The following WDPCP variants were observed in gnomAD, a reference collection of about 807,000 sequenced individuals.
The protein encoded by WDPCP is WD repeat-containing and planar cell polarity effector protein fritz homolog.
A neutral mutation model predicts 93.1 loss-of-function variants in WDPCP; 71 were observed. That is an observed-to-expected ratio of 0.76 (90% CI 0.63 to 0.93). The LOEUF (loss-of-function observed/expected upper bound fraction) is 0.93, where lower values mean the gene tolerates loss of function less well. Among genes scored for constraint, WDPCP ranks in the 40% least tolerant of loss-of-function variants. WDPCP has a pLI of 0.00. For synonymous variants in WDPCP, 315 were observed against 315.0 expected, an observed-to-expected ratio of 1.00 and a Z score of 0.00; for missense variants, 844 against 887.4, an observed-to-expected ratio of 0.95 and a Z score of 0.62.
At chr2:63,622,823 C>T (rs1709761460) in intron 3 of WDPCP, 1 of 1,610,082 alleles carries the variant, frequency 6.2e-7, no homozygotes, top group Non-Finnish European at 8.5e-7. Context: ...CCAGGAAATA[C>T]TTAACCATCG....
chr2:63,278,828 C>T (rs1286830578), intron 13 of WDPCP, among the ~76,000 whole-genome samples: 1 of 152,100 alleles, frequency 6.6e-6, no homozygotes, highest in East Asian at 1.9e-4. Context: ...ACAGATACCA[C>T]AGAAAAAGAT....
At chr2:63,787,455 G>A (rs1029522041) in intron 2 of WDPCP, among the ~76,000 whole-genome samples, 5 of 152,100 alleles carry the variant, frequency 3.3e-5, no homozygotes, top group East Asian at 3.9e-4. Flanking sequence ...TCTTGGGGAG[G>A]GTTTGTCTTA....
chr2:63,758,298 AAAG>A (rs1331274483), intron 2 of WDPCP, among the ~76,000 whole-genome samples: 1 of 152,178 alleles, frequency 6.6e-6, no homozygotes, highest in Non-Finnish European at 1.5e-5. Context: ...CCGTGGCAGC[AAAG>A]AAGAGTGAAA....
chr2:63,696,571 C>T (rs572818566), intron 2 of WDPCP, among the ~76,000 whole-genome samples: 1 of 152,290 alleles, frequency 6.6e-6, no homozygotes, highest in East Asian at 1.9e-4. Flanking sequence ...TTCACCTCCA[C>T]CAGCCTGGAA....
At chr2:63,699,119 C>T (rs1377145591) in intron 2 of WDPCP, among the ~76,000 whole-genome samples, 2 of 152,100 alleles carry the variant, frequency 1.3e-5, no homozygotes, top group Admixed American at 6.6e-5. Flanking sequence ...GGCCAATTAG[C>T]GAGTCCTGCT....
intron 13 of WDPCP, among the ~76,000 whole-genome samples, chr2:63,286,797 TTAAC>T (rs1208764137): frequency 2.0e-5 from 3 of 152,260 alleles, no homozygotes; most frequent in African/African-American, 7.2e-5. Flanking sequence ...TACCATACCT[TTAAC>T]TATTTCCTTT....
intron 14 of WDPCP, among the ~76,000 whole-genome samples, chr2:63,189,078 C>T (rs979818519): frequency 6.6e-6 from 1 of 152,134 alleles, no homozygotes; most frequent in Non-Finnish European, 1.5e-5. Flanking sequence ...CCTGTGTCTT[C>T]GCGGGAGCCG....
At chr2:63,395,677 T>C (rs1377543259) in intron 10 of WDPCP, among the ~76,000 whole-genome samples, 2 of 152,178 alleles carry the variant, frequency 1.3e-5, no homozygotes, top group African/African-American at 4.8e-5. Flanking sequence ...TGTTCTATAT[T>C]ATGATTGTGG....
chr2:63,636,189 C>T (rs370370567), intron 3 of WDPCP, among the ~76,000 whole-genome samples: 61 of 152,204 alleles, frequency 4.0e-4, no homozygotes, highest in East Asian at 1.3e-3. Flanking sequence ...AACTACAAAA[C>T]GTTGACGATG....
At chr2:63,336,215 C>T (rs1688354449) in intron 12 of WDPCP, among the ~76,000 whole-genome samples, 1 of 152,202 alleles carries the variant, frequency 6.6e-6, no homozygotes, top group South Asian at 2.1e-4. Context: ...CAAGAACCCT[C>T]TCTTGGGGTC....
intron 3 of WDPCP, among the ~76,000 whole-genome samples, chr2:63,637,300 C>CGAGATCAT (rs1709930591): frequency 6.6e-6 from 1 of 150,508 alleles, no homozygotes; most frequent in East Asian, 1.9e-4. Flanking sequence ...TGCAGTGAGC[C>CGAGATCAT]GAGATCATGC....
intron 13 of WDPCP, among the ~76,000 whole-genome samples, chr2:63,268,097 G>T (rs976691035): frequency 2.0e-5 from 3 of 152,038 alleles, no homozygotes; most frequent in Admixed American, 1.3e-4. Flanking sequence ...AATGGATAAA[G>T]GCAATATGGT....
chr2:63,795,099 C>T (rs932581185), intron 2 of WDPCP, among the ~76,000 whole-genome samples: 3 of 152,138 alleles, frequency 2.0e-5, no homozygotes, highest in African/African-American at 7.2e-5. Flanking sequence ...AACAGAAATT[C>T]TCATTGTTTA....
Position 63,404,322 on chromosome 2 carries a change from T to A in WDPCP, c.1161A>T (p.Pro387=). The A allele has an allele frequency of 6.2e-7, 1 of 1,614,118 alleles. No individual in the cohort carries two copies. The highest frequency in any genetic ancestry group is 1.1e-5 in the South Asian group (1 of 91,070). ...TGCCAACTAGCAGAATGGCACCACT[T>A]GGGTGGCAGCTTATTAATGAAGGCA... is the stretch of plus-strand genomic sequence containing the variant. ...ELLPSLISCH[P]SGAILLVGSN... is the part of the protein sequence containing the mutation. The change falls in exon 10 of 18, where the codon CCA becomes CCT. Residue 387 remains proline, a synonymous_variant. Transcript: ENST00000272321.
intron 2 of WDPCP, among the ~76,000 whole-genome samples, chr2:63,759,580 T>C (rs2103909599): frequency 6.6e-6 from 1 of 152,372 alleles, no homozygotes; most frequent in South Asian, 2.1e-4. Context: ...CCTGTCATGG[T>C]ACTTTAAATT....
chr2:63,729,271 G>C (rs76794492), intron 2 of WDPCP, among the ~76,000 whole-genome samples: 1 of 152,088 alleles, frequency 6.6e-6, no homozygotes, highest in Non-Finnish European at 1.5e-5. Flanking sequence ...AATAGATGCT[G>C]TATTAAATCT....
chr2:63,217,106 A>G (rs1574902472), intron 14 of WDPCP, among the ~76,000 whole-genome samples: 1 of 152,382 alleles, frequency 6.6e-6, no homozygotes, highest in East Asian at 1.9e-4. Flanking sequence ...AACTAAGTTC[A>G]GACAAAATCC....
At chr2:63,527,900 T>C (rs968402173) in intron 1 of WDPCP, among the ~76,000 whole-genome samples, 1 of 151,896 alleles carries the variant, frequency 6.6e-6, no homozygotes, top group Admixed American at 6.6e-5. Flanking sequence ...TGACTTTTTA[T>C]TGATCGCCAT....
intron 3 of WDPCP, among the ~76,000 whole-genome samples, chr2:63,630,552 T>A (rs1232179301): frequency 1.3e-5 from 2 of 151,826 alleles, no homozygotes; most frequent in South Asian, 2.1e-4. Context: ...AATGATAAAA[T>A]GATCATTCCA....
Sources: gnomAD v4.1 joint callset for allele counts (sites outside exome capture counted in the v4.1 genomes callset) on GRCh38, gnomAD v4.1.1 for gene constraint, MANE v1.5 for transcripts, NCBI Gene and HGNC (gene_info 2026-07-23, HGNC 2026-07-21) for gene names.